SMARCA4: variants seen among roughly 807,000 people sequenced by gnomAD.
SMARCA4 encodes SWI/SNF related BAF chromatin remodeling complex subunit ATPase 4, also known as SWI/SNF-related matrix-associated actin-dependent regulator of chromatin subfamily A member 4.
SMARCA4 carries 31 observed loss-of-function variants against 193.9 expected under a neutral mutation model. The ratio of observed to expected loss-of-function variants is 0.16; its 90% CI spans 0.12 to 0.22. SMARCA4 has a LOEUF of 0.22. Ranked by LOEUF, SMARCA4 falls within the 10% of genes least tolerant of loss-of-function variation. The pLI is 1.00. For missense variants in SMARCA4, 1,148 were observed against 2,296.0 expected, an observed-to-expected ratio of 0.50 and a Z score of 10.22; for synonymous variants, 942 against 933.1, an observed-to-expected ratio of 1.01 and a Z score of -0.17.
Position 11,019,760 on chromosome 19 carries a change from G to C in SMARCA4, c.2616+59G>C, listed in dbSNP as rs778929071. ...GGCCGAGTGCTCACACGTGGGTCAC[G>C]CTGCCCGTCTCCTCCAAAGCCCCTA... On this transcript the variant is annotated intron_variant, in intron 18 of 34. Transcript: ENST00000344626. This position sits in a 1 kb window ranked among gnomAD's most constrained non-coding sequence, Gnocchi z 6.1. 1.4e-4 allele frequency: 166 copies of C among 1,164,832 alleles called. No individual in the cohort carries two copies. The highest frequency in any genetic ancestry group is 2.0e-4 in the Non-Finnish European group (158 of 782,760). 72.2% of individuals were successfully genotyped at this position (1,164,832 alleles called of 1,614,324 possible).
intron 9 of SMARCA4, 53 bp downstream of exon 9, chr19:10,995,054 C>T (rs770477422): frequency 1.4e-4 from 206 of 1,510,624 alleles, no homozygotes; most frequent in Non-Finnish European, 1.6e-4. Context: ...GCTGGTACTG[C>T]GGGCTCCAGG....
chr19:10,991,849 G>T (rs2086589037), intron 8 of SMARCA4, among the ~76,000 whole-genome samples: 1 of 152,154 alleles, frequency 6.6e-6, no homozygotes, highest in Non-Finnish European at 1.5e-5. Flanking sequence ...GCAGGGCCTT[G>T]CGAGCTGCAT....
chr19:10,993,690 C>G (rs11669813), intron 8 of SMARCA4, among the ~76,000 whole-genome samples: 5,826 of 151,738 alleles, frequency 0.038, 166 homozygotes, highest in African/African-American at 0.052. Flanking sequence ...CTGTCGCCCA[C>G]GCTGGAGTGC....
In SMARCA4 at chr19:11,041,681, C is replaced by T. The variant is rs112879788; in HGVS notation, c.4424+121C>T. 1.0e-3 allele frequency: 854 copies of T among 822,192 alleles called. 4 individuals carry two copies. The African/African-American group carries it at 0.013, about 12-fold the overall frequency. 50.9% of individuals were successfully genotyped at this position (822,192 alleles called of 1,614,324 possible). On this transcript the variant is annotated intron_variant, in intron 30 of 34. Coordinates refer to ENST00000344626, the MANE Select transcript of SMARCA4 (RefSeq NM_003072.5). This position sits in a 1 kb window ranked among gnomAD's most constrained non-coding sequence, Gnocchi z 5.6. ...GCTCACTCTTTCACTCATCCACAAA[C>T]ACTGACTGAATCTCTGTGTCTTTGA...
chr19:10,985,175 G>C lies in SMARCA4; in HGVS notation c.223-98G>C. 3.0e-6 allele frequency: 4 copies of C among 1,332,130 alleles called. No homozygotes were observed. The highest frequency in any genetic ancestry group is 3.2e-6 in the Non-Finnish European group (3 of 929,542). 82.5% of individuals were successfully genotyped at this position (1,332,130 alleles called of 1,614,324 possible). ...AGATGCGCGTCATCTTCGGGTGGCTGTTCTCGGTGCCCTCGAGCTTCTCTC... is the reference window on the plus strand; with the variant it reads ...AGATGCGCGTCATCTTCGGGTGGCTCTTCTCGGTGCCCTCGAGCTTCTCTC... On this transcript the variant is annotated intron_variant, in intron 2 of 34. Coordinates refer to ENST00000344626, the MANE Select transcript of SMARCA4 (RefSeq NM_003072.5). The surrounding 1 kb of genome is among the most constrained non-coding windows in gnomAD (Gnocchi z 4.5).
chr19:11,045,068 C>T (rs1053385453), intron 30 of SMARCA4, among the ~76,000 whole-genome samples: 3 of 152,230 alleles, frequency 2.0e-5, no homozygotes, highest in African/African-American at 7.2e-5. Context: ...CGCCTGTAAT[C>T]CCAGCACTTT....
intron 14 of SMARCA4, 31 bp downstream of exon 14, chr19:11,008,054 C>A (rs1432364138): frequency 6.2e-7 from 1 of 1,606,458 alleles, no homozygotes; most frequent in Non-Finnish European, 8.5e-7. Context: ...TTGTTCTGTG[C>A]CAGCTTCCTG....
rs541062968 is a variant in SMARCA4 at position 10,976,619 on chromosome 19, T to C, written c.-31-7502T>C. ...AAGAAATACAAAAATTAGCTGGGCA[T>C]AGTGGCATGAGCCTGTAGTCCCAGC... On this transcript the variant is annotated intron_variant, in intron 1 of 34. Transcript: ENST00000344626. Among the ~76,000 whole-genome samples the C allele has an allele frequency of 3.0e-3, 455 of 151,248 alleles. 2 individuals are homozygous for C. Among genetic ancestry groups the C allele is most frequent in the African/African-American group, 0.011 (443 of 41,126 alleles).
At chr19:10,971,862 A>G (rs536537121) in intron 1 of SMARCA4, among the ~76,000 whole-genome samples, 73 of 147,382 alleles carry the variant, frequency 5.0e-4, no homozygotes, top group African/African-American at 1.8e-3. Context: ...GGCTCACTCC[A>G]ACCTCCGCCT....
At position 10,987,582 on chromosome 19, in the gene SMARCA4, C is replaced by T. The variant is rs2086166423; in HGVS notation, c.860-84C>T. On this transcript the variant is annotated intron_variant, in intron 5 of 34. Coordinates refer to ENST00000344626, the MANE Select transcript of SMARCA4 (RefSeq NM_003072.5). The surrounding 1 kb of genome is among the most constrained non-coding windows in gnomAD (Gnocchi z 5.3). ...CGGGGTCTGCCTGTCCCCAGTGCCT[C>T]AAGCAGCTCAGCAGCTTTCCATTTC... The T allele has an allele frequency of 2.0e-6, 3 of 1,527,394 alleles. No homozygotes were observed. The highest frequency in any genetic ancestry group is 2.3e-5 in the South Asian group (2 of 88,764). 94.6% of individuals were successfully genotyped at this position (1,527,394 alleles called of 1,614,324 possible).
chr19:11,018,784 C>T (rs1019121280), intron 16 of SMARCA4, 173 bp from the exon 17 acceptor site: 21 of 728,970 alleles, frequency 2.9e-5, no homozygotes, highest in African/African-American at 1.9e-4. Context: ...TTCACGTCCT[C>T]GCCAGTCTCT....
At chr19:10,966,703 T>C (rs2084248715) in intron 1 of SMARCA4, among the ~76,000 whole-genome samples, 1 of 151,360 alleles carries the variant, frequency 6.6e-6, no homozygotes, top group African/African-American at 2.4e-5. Context: ...CTGGGCAACA[T>C]TGTGAAACCC....
Position 11,033,100 on chromosome 19 carries a change from T to G in SMARCA4, c.3547-190T>G. The G allele has an allele frequency of 1.5e-6, 1 of 663,526 alleles. No individual in the cohort carries two copies. Among genetic ancestry groups the G allele is most frequent in the Non-Finnish European group, 2.8e-6 (1 of 362,834 alleles). The allele number at this position is 663,526 out of a possible 1,614,324, so 41.1% of individuals were successfully genotyped here. On this transcript the variant is annotated intron_variant, in intron 25 of 34. Coordinates refer to ENST00000344626, the MANE Select transcript of SMARCA4 (RefSeq NM_003072.5). The surrounding 1 kb of genome is among the most constrained non-coding windows in gnomAD (Gnocchi z 9.8). Reference sequence around the variant, plus strand: ...CTGGAGGAACGTGATGAGAGTCCCCTTCCCCCGAGGGACACATGGCGGCCC... The same window carrying G: ...CTGGAGGAACGTGATGAGAGTCCCCGTCCCCCGAGGGACACATGGCGGCCC...
At chr19:11,018,031 G>C (rs756823744) in intron 16 of SMARCA4, among the ~76,000 whole-genome samples, 4 of 152,230 alleles carry the variant, frequency 2.6e-5, no homozygotes, top group Non-Finnish European at 4.4e-5. Context: ...ACAGCCATGC[G>C]TCCTTCTGTC....
At chr19:11,035,688 C>G (rs540525792) in intron 29 of SMARCA4, among the ~76,000 whole-genome samples, 1 of 152,222 alleles carries the variant, frequency 6.6e-6, no homozygotes, top group Non-Finnish European at 1.5e-5. Context: ...CGTGAGGGCC[C>G]GTTCTCAGCA....
At chr19:10,989,227 C>G (rs554806792) in intron 6 of SMARCA4, 90 bp from the exon 7 acceptor site, 6 of 1,526,032 alleles carry the variant, frequency 3.9e-6, no homozygotes, top group Non-Finnish European at 5.4e-6. Flanking sequence ...GTGCCTGCCT[C>G]TCTCGAGGGA....
intron 14 of SMARCA4, chr19:11,008,387 T>C: frequency 2.8e-6 from 1 of 352,782 alleles, no homozygotes; most frequent in South Asian, 2.2e-5. Flanking sequence ...AAGCAAAATG[T>C]GCATATTTTT....
chr19:11,061,188 T>TTAAA (rs1178420558), intron 34 of SMARCA4, among the ~76,000 whole-genome samples: 17 of 68,858 alleles, frequency 2.5e-4, no homozygotes, highest in African/African-American at 1.4e-3. Context: ...ACCCTGTCTT[T>TTAAA]AAAAAAAAAA....
intron 21 of SMARCA4, among the ~76,000 whole-genome samples, chr19:11,024,888 G>A (rs1002200157): frequency 1.3e-5 from 2 of 151,836 alleles, no homozygotes; most frequent in Non-Finnish European, 2.9e-5. Flanking sequence ...CCTTGACCTC[G>A]GCCTGGCTTC....
Sources: allele counts gnomAD v4.1 joint callset (sites outside exome capture counted in the v4.1 genomes callset), GRCh38; gene constraint gnomAD v4.1.1; non-coding constraint Gnocchi (gnomAD v3.1); transcripts MANE v1.5; gene names NCBI Gene and HGNC (gene_info 2026-07-23, HGNC 2026-07-21).